Variants in NF1 observed in about 807,000 individuals in gnomAD.
NF1 encodes neurofibromin 1.
In NF1, 122 loss-of-function variants were observed where a neutral mutation model predicts 325.7. The observed-to-expected ratio is 0.37, with a 90% CI of 0.32 to 0.44. The LOEUF is 0.44. Ranked by LOEUF, NF1 falls within the 20% of genes least tolerant of loss-of-function variation. The probability of loss-of-function intolerance (pLI) is 1.00; values close to 1 mark genes in which losing one functional copy is unlikely to be tolerated. For synonymous variants in NF1, 1,091 were observed against 1,186.0 expected (o/e 0.92, Z 1.65); for missense variants, 2,140 against 3,415.4 (o/e 0.63, Z 9.31).
intron 1 of NF1, among the ~76,000 whole-genome samples, chr17:31,104,129 T>C (rs1246850027): frequency 1.3e-5 from 2 of 152,186 alleles, no homozygotes; most frequent in South Asian, 2.1e-4. Flanking sequence ...TTAAGTCATA[T>C]AATACAGTAG....
intron 29 of NF1, among the ~76,000 whole-genome samples, chr17:31,245,437 A>G (rs964652541): frequency 1.3e-5 from 2 of 152,222 alleles, no homozygotes; most frequent in African/African-American, 4.8e-5. Flanking sequence ...TGGAGAGAGC[A>G]TCAGATTTCC....
intron 11 of NF1, among the ~76,000 whole-genome samples, chr17:31,205,516 G>T (rs2066603914): frequency 6.6e-6 from 1 of 152,168 alleles, no homozygotes; most frequent in South Asian, 2.1e-4. Context: ...TAAAGTTAAA[G>T]ATACACTTCC....
chr17:31,354,189 A>G (rs1428468574), intron 51 of NF1, among the ~76,000 whole-genome samples: 1 of 152,240 alleles, frequency 6.6e-6, no homozygotes. Context: ...TCACAACAGC[A>G]ACTCCAGGTG....
chr17:31,163,308 T>G lies in NF1; in HGVS notation c.411T>G (p.Ser137=). 6.2e-7 allele frequency: 1 copy of G among 1,614,202 alleles called. No homozygotes were observed. The highest frequency in any genetic ancestry group is 2.2e-5 in the East Asian group (1 of 44,888). ...AGCATGCAGCTGAACTTCGGAATTCTGCCTCTGGGGTTTTATTTTCTCTCA... is the reference window on the plus strand; with the variant it reads ...AGCATGCAGCTGAACTTCGGAATTCGGCCTCTGGGGTTTTATTTTCTCTCA... The part of the protein sequence containing the change: ...GNQHAAELRN[S]ASGVLFSLSC... The change falls in exon 4 of 58, where the codon TCT becomes TCG. Residue 137 remains serine, a synonymous_variant. Coordinates refer to ENST00000358273, the MANE Select transcript of NF1 (RefSeq NM_001042492.3).
intron 8 of NF1, among the ~76,000 whole-genome samples, chr17:31,198,784 T>G (rs2143864015): frequency 6.6e-6 from 1 of 152,142 alleles, no homozygotes; most frequent in East Asian, 1.9e-4. Context: ...CTGTGTAATT[T>G]TTGTCTTCTT....
At chr17:31,257,158 A>G (rs2067596728) in intron 31 of NF1, among the ~76,000 whole-genome samples, 1 of 152,108 alleles carries the variant, frequency 6.6e-6, no homozygotes, top group Non-Finnish European at 1.5e-5. Flanking sequence ...TTATTGAAGC[A>G]TTGTGAAAAA....
chr17:31,312,056 AT>A lies in NF1; in HGVS notation c.4836-13754del, dbSNP rs550188584. Among the ~76,000 whole-genome samples, 22 of 150,230 alleles carry A rather than the reference AT, an allele frequency of 1.5e-4. No homozygotes were observed. In the East Asian group the frequency reaches 1.6e-3, roughly 11 times the overall value. ...TAAGTTTACTGAAAATTTTGTGGTG[AT>A]TTTTTTTTTAAAGCTTGGACATTGA... is the stretch of plus-strand genomic sequence containing the variant. On this transcript the variant is annotated intron_variant, in intron 36 of 57. Transcript: ENST00000358273.
intron 29 of NF1, among the ~76,000 whole-genome samples, chr17:31,241,341 A>T (rs2067293230): frequency 1.3e-5 from 2 of 152,050 alleles, no homozygotes; most frequent in Non-Finnish European, 2.9e-5. Flanking sequence ...TAGTCCATTT[A>T]CATTCAGTGT....
intron 36 of NF1, among the ~76,000 whole-genome samples, chr17:31,284,359 T>C (rs2068182713): frequency 6.6e-6 from 1 of 152,120 alleles, no homozygotes; most frequent in Non-Finnish European, 1.5e-5. Flanking sequence ...CTCAGCTCAC[T>C]GCAACCTCCG....
At chr17:31,299,342 C>A (rs1449998836) in intron 36 of NF1, among the ~76,000 whole-genome samples, 2 of 151,258 alleles carry the variant, frequency 1.3e-5, no homozygotes, top group Non-Finnish European at 3.0e-5. Context: ...TACTGTTACT[C>A]AAAAAAAATA....
chr17:31,153,540 T>C (rs1317414240), intron 1 of NF1, among the ~76,000 whole-genome samples: 2 of 152,244 alleles, frequency 1.3e-5, no homozygotes, highest in African/African-American at 4.8e-5. Flanking sequence ...TGCAGTACAT[T>C]GGGAATCTCC....
intron 1 of NF1, among the ~76,000 whole-genome samples, chr17:31,134,799 G>A (rs1380863024): frequency 2.6e-5 from 4 of 152,270 alleles, no homozygotes; most frequent in African/African-American, 7.2e-5. Flanking sequence ...GGCAGCTGAC[G>A]TCTCCCAGAG....
At chr17:31,149,397 G>A (rs1358043538) in intron 1 of NF1, among the ~76,000 whole-genome samples, 4 of 151,952 alleles carry the variant, frequency 2.6e-5, no homozygotes, top group Admixed American at 2.0e-4. Flanking sequence ...CCCCTGGGTT[G>A]AAGCAATTAT....
At chr17:31,298,316 G>A (rs772342029) in intron 36 of NF1, among the ~76,000 whole-genome samples, 1 of 152,092 alleles carries the variant, frequency 6.6e-6, no homozygotes, top group Non-Finnish European at 1.5e-5. Context: ...CTGATTTCCA[G>A]AATGGCAAGT....
chr17:31,342,319 C>T lies in NF1; in HGVS notation c.7063-690C>T, dbSNP rs17884641. The stretch of plus-strand genomic sequence containing the variant: ...ATGTTAAGAATATTTGCAAATTGGC[C>T]GGGTGCAATGGCGCATGTTTGTAAT... On this transcript the variant is annotated intron_variant, in intron 47 of 57. Transcript: ENST00000358273. Among the ~76,000 whole-genome samples, 6 of 152,006 alleles carry T rather than the reference C, an allele frequency of 3.9e-5. No individual in the cohort carries two copies. The East Asian group carries it at 5.8e-4, about 15-fold the overall frequency.
At chr17:31,349,749 A>G (rs898825297) in intron 49 of NF1, among the ~76,000 whole-genome samples, 4 of 152,000 alleles carry the variant, frequency 2.6e-5, no homozygotes, top group Non-Finnish European at 4.4e-5. Context: ...AAAGCTTCCT[A>G]TTTGCTCTTA....
intron 54 of NF1, 44 bp from the exon 55 acceptor site, chr17:31,358,436 T>C (rs2070323059): frequency 1.3e-6 from 2 of 1,584,364 alleles, no homozygotes; most frequent in African/African-American, 1.3e-5. Context: ...TTTCATTTAA[T>C]TTTCCTCTAA....
At chr17:31,372,032 C>T (rs2070651701) in intron 57 of NF1, among the ~76,000 whole-genome samples, 1 of 152,120 alleles carries the variant, frequency 6.6e-6, no homozygotes, top group Admixed American at 6.6e-5. Flanking sequence ...CTGGGTAGAT[C>T]TATGTACATT....
intron 1 of NF1, among the ~76,000 whole-genome samples, chr17:31,127,524 A>G (rs1016079869): frequency 1.3e-5 from 2 of 148,874 alleles, no homozygotes; most frequent in Admixed American, 1.3e-4. Context: ...TTATTTATAC[A>G]TGATATTTAA....
Sources: allele counts gnomAD v4.1 joint callset (sites outside exome capture counted in the v4.1 genomes callset), GRCh38; gene constraint gnomAD v4.1.1; transcripts MANE v1.5; gene names NCBI Gene and HGNC (gene_info 2026-07-23, HGNC 2026-07-21).